The following AP3S1 variants were observed in gnomAD, a reference collection of about 807,000 sequenced individuals.
AP3S1 encodes the protein adaptor related protein complex 3 subunit sigma 1, also known as AP-3 complex subunit sigma-1.
In AP3S1, 12 loss-of-function variants were observed where a neutral mutation model predicts 21.3. The observed-to-expected ratio is 0.56, with a 90% CI of 0.36 to 0.91. AP3S1 has a LOEUF of 0.91. AP3S1 is among the 40% of genes least tolerant of loss of function. The pLI is 0.01. For synonymous variants in AP3S1, 48 were observed against 78.4 expected, an observed-to-expected ratio of 0.61 and a Z score of 2.05; for missense variants, 116 against 225.0, an observed-to-expected ratio of 0.52 and a Z score of 3.10.
At chr5:115,900,932 G>A (rs1751154983) in intron 4 of AP3S1, among the ~76,000 whole-genome samples, 1 of 152,080 alleles carries the variant, frequency 6.6e-6, no homozygotes, top group Admixed American at 6.6e-5. Context: ...TTCCATATTT[G>A]CAGCTTGCTT....
intron 1 of AP3S1, among the ~76,000 whole-genome samples, chr5:115,860,896 T>G (rs1763123896): frequency 6.6e-6 from 1 of 152,198 alleles, no homozygotes; most frequent in Non-Finnish European, 1.5e-5. Flanking sequence ...GCCTTAACTT[T>G]ATTGCCTTTT....
intron 3 of AP3S1, among the ~76,000 whole-genome samples, chr5:115,873,527 A>G (rs1008005660): frequency 5.9e-5 from 9 of 152,174 alleles, no homozygotes; most frequent in Non-Finnish European, 2.9e-5. Context: ...TATGTCTGTC[A>G]CTATCAGGAA....
chr5:115,908,964 TTCACTTTGC>T (rs2112590829), intron 5 of AP3S1: 1 of 983,740 alleles, frequency 1.0e-6, no homozygotes, highest in South Asian at 4.7e-5. Flanking sequence ...TTGGTGTTCT[TTCACTTTGC>T]TGTTAGGTCA....
At position 115,913,620 on chromosome 5, in the gene AP3S1, A is replaced by G. The variant is rs1752280997; in HGVS notation, c.*130A>G. The G allele has an allele frequency of 5.0e-6, 7 of 1,391,326 alleles. No individual in the cohort carries two copies. The highest frequency in any genetic ancestry group is 1.5e-5 in the South Asian group (1 of 64,616). 86.2% of individuals were successfully genotyped at this position (1,391,326 alleles called of 1,614,324 possible). A position where few individuals can be genotyped will look rare whatever the true frequency, so the allele number is the denominator to read the frequency against. On this transcript the variant is annotated 3_prime_UTR_variant, in exon 6 of 6. Transcript: ENST00000316788. ...TCTTGGATTTAAGTCAAGGTACTGTATAGAAGTTGTGTAAAATCAGTATGA... is the reference window on the plus strand; with the variant it reads ...TCTTGGATTTAAGTCAAGGTACTGTGTAGAAGTTGTGTAAAATCAGTATGA...
intron 4 of AP3S1, 143 bp downstream of exon 4, chr5:115,895,301 T>C (rs1750660653): frequency 1.8e-6 from 1 of 555,278 alleles, no homozygotes; most frequent in Non-Finnish European, 3.1e-6. Context: ...TGAGCCAGGC[T>C]TTGTGCTTGG....
rs953811620 is a variant in AP3S1 at position 115,862,702 on chromosome 5, A to G, written c.70-3968A>G. 3.9e-5 allele frequency among the ~76,000 whole-genome samples: 6 copies of G among 152,198 alleles called. No homozygotes were observed. In the East Asian group the frequency reaches 7.7e-4, roughly 20 times the overall value. ...CTCCTGGTGAGCAATTTGTCTCTCTAGTAAATTGCACATCACAGTAAAAAG... is the reference window on the plus strand; with the variant it reads ...CTCCTGGTGAGCAATTTGTCTCTCTGGTAAATTGCACATCACAGTAAAAAG... On this transcript the variant is annotated intron_variant, in intron 1 of 5. Coordinates refer to ENST00000316788, the MANE Select transcript of AP3S1 (RefSeq NM_001284.4).
At chr5:115,886,101 G>A (rs541418283) in intron 3 of AP3S1, among the ~76,000 whole-genome samples, 17 of 152,148 alleles carry the variant, frequency 1.1e-4, no homozygotes, top group Non-Finnish European at 2.4e-4. Context: ...AGTGTTAGTG[G>A]TTAACCTTTT....
At chr5:115,857,505 T>C (rs1244976305) in intron 1 of AP3S1, among the ~76,000 whole-genome samples, 1 of 152,196 alleles carries the variant, frequency 6.6e-6, no homozygotes, top group Non-Finnish European at 1.5e-5. Flanking sequence ...GGTTGCAGAT[T>C]ATTTACTCTC....
chr5:115,894,298 C>G (rs1340250141), intron 3 of AP3S1, among the ~76,000 whole-genome samples: 1 of 152,172 alleles, frequency 6.6e-6, no homozygotes, highest in Non-Finnish European at 1.5e-5. Flanking sequence ...TATGTCATGC[C>G]TGCATGACTG....
At chr5:115,882,113 A>C (rs1452289746) in intron 3 of AP3S1, among the ~76,000 whole-genome samples, 1 of 151,954 alleles carries the variant, frequency 6.6e-6, no homozygotes, top group East Asian at 1.9e-4. Flanking sequence ...CCTTTTATCA[A>C]GGCTCTTAGC....
intron 1 of AP3S1, among the ~76,000 whole-genome samples, chr5:115,846,184 T>C (rs1580603307): frequency 6.6e-6 from 1 of 152,194 alleles, no homozygotes; most frequent in African/African-American, 2.4e-5. Flanking sequence ...AAATTTTTCT[T>C]TTTTTATAGA....
At chr5:115,846,135 G>A (rs954617448) in intron 1 of AP3S1, among the ~76,000 whole-genome samples, 2 of 152,116 alleles carry the variant, frequency 1.3e-5, no homozygotes, top group African/African-American at 4.8e-5. Flanking sequence ...CCCTTCGGTT[G>A]TGATTCCATA....
intron 1 of AP3S1, among the ~76,000 whole-genome samples, chr5:115,848,787 A>AT (rs951153319): frequency 2.0e-5 from 3 of 152,174 alleles, no homozygotes; most frequent in Non-Finnish European, 4.4e-5. Flanking sequence ...AACTAAACAC[A>AT]TTTTTTCCTC....
At chr5:115,862,423 A>G (rs894942585) in intron 1 of AP3S1, among the ~76,000 whole-genome samples, 1 of 152,238 alleles carries the variant, frequency 6.6e-6, no homozygotes, top group African/African-American at 2.4e-5. Context: ...ATACAAATCC[A>G]TTGTAAAAAG....
At position 115,884,531 on chromosome 5, in the gene AP3S1, C is replaced by T. The variant is rs148518613; in HGVS notation, c.274-10556C>T. Among the ~76,000 whole-genome samples, 570 of 152,326 alleles carry T rather than the reference C, an allele frequency of 3.7e-3. 1 individual carries two copies. The highest frequency in any genetic ancestry group is 0.011 in the South Asian group (52 of 4,832). On this transcript the variant is annotated intron_variant, in intron 3 of 5. Transcript: ENST00000316788. ...TGGAGGTTGCTGTGAGTTGAAATCA[C>T]ACCTTTGTACTCCAGCCTGGGTGAC...
rs1372478134 is a variant in AP3S1, at chr5:115,870,010, C to T, written c.162-7C>T. 2.1e-6 allele frequency: 2 copies of T among 945,758 alleles called. No homozygotes were observed. Among genetic ancestry groups the T allele is most frequent in the Admixed American group, 2.8e-5 (1 of 36,136 alleles). The allele number at this position is 945,758 out of a possible 1,614,324, so 58.6% of individuals were successfully genotyped here. A position where few individuals can be genotyped will look rare whatever the true frequency, so the allele number is the denominator to read the frequency against. Reference sequence around the variant, plus strand: ...TCCAATAACATTACAATTTTTTTGTCATTTAGATTAATTGGAGGATCTGAC... The same window carrying T: ...TCCAATAACATTACAATTTTTTTGTTATTTAGATTAATTGGAGGATCTGAC... On this transcript the variant is annotated splice_polypyrimidine_tract_variant and splice_region_variant and intron_variant, in intron 2 of 5. Coordinates refer to ENST00000316788, the MANE Select transcript of AP3S1 (RefSeq NM_001284.4).
Position 115,866,705 on chromosome 5 carries a change from T to G in AP3S1, c.105T>G (p.Thr35=). The stretch of plus-strand genomic sequence containing the variant: ...CACAACAGCAAATCATCAGGGAGAC[T>G]TTCCATTTGGTATCTAAGAGAGATG... ...EDTQQQIIRE[T]FHLVSKRDEN... Residue 35 remains threonine (T), a synonymous_variant, in exon 2 of 6, where the codon ACT becomes ACG. Transcript: ENST00000316788. The G allele has an allele frequency of 6.2e-7, 1 of 1,606,734 alleles. No homozygotes were observed. The highest frequency in any genetic ancestry group is 8.5e-7 in the Non-Finnish European group (1 of 1,175,424).
chr5:115,906,785 G>C, intron 5 of AP3S1: 1 of 1,438,016 alleles, frequency 7.0e-7, no homozygotes, highest in Non-Finnish European at 9.2e-7. Flanking sequence ...CGAACATCCT[G>C]ATCTTTCTAG....
At chr5:115,903,709 A>G (rs999585275) in intron 5 of AP3S1, 16 of 152,302 alleles carry the variant, frequency 1.1e-4, no homozygotes, top group African/African-American at 3.4e-4. Flanking sequence ...ATAAAACCCT[A>G]CTTCAGAATT....
Sources: gnomAD v4.1 joint callset for allele counts (sites outside exome capture counted in the v4.1 genomes callset) on GRCh38, gnomAD v4.1.1 for gene constraint, MANE v1.5 for transcripts, NCBI Gene and HGNC (gene_info 2026-07-23, HGNC 2026-07-21) for gene names.